The following PTPRD variants were observed in gnomAD, a reference collection of about 807,000 sequenced individuals.
PTPRD encodes the protein receptor-type tyrosine-protein phosphatase delta.
A neutral mutation model predicts 214.5 loss-of-function variants in PTPRD; 34 were observed. The ratio of observed to expected loss-of-function variants is 0.16; its 90% CI spans 0.12 to 0.21. The LOEUF (loss-of-function observed/expected upper bound fraction) is 0.21. Ranked by LOEUF, PTPRD falls within the 10% of genes least tolerant of loss-of-function variation. PTPRD has a pLI of 1.00. For synonymous variants in PTPRD, 1,128 were observed against 845.7 expected, an observed-to-expected ratio of 1.33 and a Z score of -5.79; for missense variants, 2,545 against 2,398.7, an observed-to-expected ratio of 1.06 and a Z score of -1.27.
At chr9:10,223,221 C>A (rs535988918) in intron 3 of PTPRD, among the ~76,000 whole-genome samples, 1 of 151,946 alleles carries the variant, frequency 6.6e-6, no homozygotes, top group Non-Finnish European at 1.5e-5. Flanking sequence ...CCCCTTCTCC[C>A]CTTCCTCTTC....
Position 9,113,576 on chromosome 9 carries a change from G to A in PTPRD, c.-143+69728C>T, listed in dbSNP as rs79925873. Among the ~76,000 whole-genome samples the A allele has an allele frequency of 3.3e-3, 501 of 152,202 alleles. 2 individuals are homozygous for A. Among genetic ancestry groups the A allele is most frequent in the African/African-American group, 0.011 (477 of 41,534 alleles). ...GAGAAAAGGGATGTTTTTTGAAGTG[G>A]TGACATCTAGAACTCCAGTCCCAGA... On this transcript the variant is annotated intron_variant, in intron 10 of 45. Coordinates refer to ENST00000381196, the MANE Select transcript of PTPRD (RefSeq NM_002839.4).
rs1251763126 is a variant in PTPRD at position 9,391,518 on chromosome 9, T to C, written c.-203+5931A>G. On this transcript the variant is annotated intron_variant, in intron 9 of 45. Coordinates refer to ENST00000381196, the MANE Select transcript of PTPRD (RefSeq NM_002839.4). ...TACTCTAGCAAGTGATGAATTTGCA[T>C]ATACAATGATTTTAATCAAGGCACT... is the stretch of plus-strand genomic sequence containing the variant. Among the ~76,000 whole-genome samples, 3 of 152,186 alleles carry C rather than the reference T, an allele frequency of 2.0e-5. No individual in the cohort carries two copies. The East Asian group carries it at 5.8e-4, about 29-fold the overall frequency.
At chr9:8,396,796 T>C (rs2091296003) in intron 36 of PTPRD, among the ~76,000 whole-genome samples, 1 of 152,170 alleles carries the variant, frequency 6.6e-6, no homozygotes, top group African/African-American at 2.4e-5. Context: ...ATTAGACAGC[T>C]CTTAGAAAGA....
At chr9:9,330,443 C>T (rs113991382) in intron 9 of PTPRD, among the ~76,000 whole-genome samples, 7 of 152,068 alleles carry the variant, frequency 4.6e-5, no homozygotes, top group African/African-American at 1.7e-4. Context: ...ATATTCTATA[C>T]ATATAATTGA....
intron 2 of PTPRD, among the ~76,000 whole-genome samples, chr9:10,411,129 G>A (rs2098431217): frequency 6.6e-6 from 1 of 151,742 alleles, no homozygotes; most frequent in Non-Finnish European, 1.5e-5. Flanking sequence ...GAGATTAACA[G>A]TAGACTGCCA....
intron 8 of PTPRD, among the ~76,000 whole-genome samples, chr9:9,407,470 T>G (rs569891146): frequency 2.6e-5 from 4 of 151,796 alleles, no homozygotes; most frequent in Non-Finnish European, 5.9e-5. Context: ...CTACATTGAG[T>G]ATACCAGATT....
chr9:8,687,428 G>A (rs534525254), intron 12 of PTPRD, among the ~76,000 whole-genome samples: 1 of 152,260 alleles, frequency 6.6e-6, no homozygotes, highest in Non-Finnish European at 1.5e-5. Flanking sequence ...ATAAAGTTTG[G>A]TAAGGACAAC....
At chr9:9,993,243 A>T (rs2096010148) in intron 4 of PTPRD, among the ~76,000 whole-genome samples, 1 of 152,214 alleles carries the variant, frequency 6.6e-6, no homozygotes, top group Non-Finnish European at 1.5e-5. Flanking sequence ...TCTACTAAAT[A>T]TGGACATATG....
intron 7 of PTPRD, among the ~76,000 whole-genome samples, chr9:9,719,865 G>A (rs908942785): frequency 5.3e-5 from 8 of 152,208 alleles, no homozygotes; most frequent in African/African-American, 1.9e-4. Context: ...ACCTGGTCCA[G>A]TCTCAGTCTC....
chr9:9,459,234 A>G (rs1486606344), intron 8 of PTPRD, among the ~76,000 whole-genome samples: 1 of 152,072 alleles, frequency 6.6e-6, no homozygotes, highest in Non-Finnish European at 1.5e-5. Flanking sequence ...ACAACCAAGG[A>G]ACCCATACAT....
chr9:9,462,399 A>G (rs1412358722), intron 8 of PTPRD, among the ~76,000 whole-genome samples: 1 of 152,128 alleles, frequency 6.6e-6, no homozygotes, highest in Non-Finnish European at 1.5e-5. Flanking sequence ...TTGTAACTAA[A>G]AGATTTTGCA....
At chr9:9,535,155 G>A (rs557015899) in intron 8 of PTPRD, among the ~76,000 whole-genome samples, 31 of 152,092 alleles carry the variant, frequency 2.0e-4, no homozygotes, top group African/African-American at 7.5e-4. Flanking sequence ...ACTTCTGCCC[G>A]TCTCAGGAGT....
At chr9:9,332,238 T>G in intron 9 of PTPRD, among the ~76,000 whole-genome samples, 1 of 146,782 alleles carries the variant, frequency 6.8e-6, no homozygotes, top group East Asian at 1.9e-4. Context: ...ATTTAGCAGG[T>G]GGAGAGAGAG....
chr9:10,213,315 T>C (rs2154343131), intron 3 of PTPRD, among the ~76,000 whole-genome samples: 1 of 152,124 alleles, frequency 6.6e-6, no homozygotes, highest in East Asian at 1.9e-4. Context: ...AGAATAAGGA[T>C]TGTTGTGGCC....
At chr9:9,045,297 C>A (rs2099668794) in intron 10 of PTPRD, among the ~76,000 whole-genome samples, 1 of 152,148 alleles carries the variant, frequency 6.6e-6, no homozygotes, top group Admixed American at 6.6e-5. Context: ...TTAGAGGATG[C>A]TCTTCATTCT....
intron 2 of PTPRD, among the ~76,000 whole-genome samples, chr9:10,584,130 T>G (rs1475329936): frequency 6.6e-6 from 1 of 151,808 alleles, no homozygotes; most frequent in Non-Finnish European, 1.5e-5. Flanking sequence ...CTTACCCCTC[T>G]TCTTCTCTCT....
chr9:8,703,237 T>C (rs942617258), intron 12 of PTPRD, among the ~76,000 whole-genome samples: 3 of 152,190 alleles, frequency 2.0e-5, no homozygotes, highest in Admixed American at 1.3e-4. Flanking sequence ...TGAAGAAATA[T>C]GATAAAGTCT....
intron 10 of PTPRD, among the ~76,000 whole-genome samples, chr9:9,064,613 A>C (rs2099721537): frequency 6.6e-6 from 1 of 152,240 alleles, no homozygotes; most frequent in Non-Finnish European, 1.5e-5. Context: ...GAACTGTCCC[A>C]CACCAAATAC....
At chr9:9,925,332 T>C (rs1352919943) in intron 5 of PTPRD, among the ~76,000 whole-genome samples, 1 of 152,060 alleles carries the variant, frequency 6.6e-6, no homozygotes, top group East Asian at 1.9e-4. Flanking sequence ...CAAAAATGTG[T>C]ATATTTAATA....
Sources: gnomAD v4.1 joint callset for allele counts (sites outside exome capture counted in the v4.1 genomes callset) on GRCh38, gnomAD v4.1.1 for gene constraint, MANE v1.5 for transcripts, NCBI Gene and HGNC (gene_info 2026-07-23, HGNC 2026-07-21) for gene names.